Variants in EPHA5 observed in about 807,000 individuals in gnomAD.
EPHA5 encodes the protein EPH receptor A5.
EPHA5 carries 60 observed loss-of-function variants against 105.0 expected under a neutral mutation model. The ratio of observed to expected loss-of-function variants is 0.57; its 90% CI spans 0.46 to 0.71. The LOEUF (loss-of-function observed/expected upper bound fraction) is 0.71, where lower values mean the gene tolerates loss of function less well. Among genes scored for constraint, EPHA5 ranks in the 30% least tolerant of loss-of-function variants. EPHA5 has a pLI of 0.00. For synonymous variants in EPHA5, 513 were observed against 449.1 expected, an observed-to-expected ratio of 1.14 and a Z score of -1.80; for missense variants, 1,218 against 1,274.7, an observed-to-expected ratio of 0.96 and a Z score of 0.68.
intron 3 of EPHA5, among the ~76,000 whole-genome samples, chr4:65,596,926 T>C (rs988559525): frequency 2.0e-5 from 3 of 152,158 alleles, no homozygotes; most frequent in Non-Finnish European, 2.9e-5. Flanking sequence ...ATACCTAATA[T>C]ATTTCCAGCC....
At chr4:65,366,150 T>A (rs1717890774) in intron 9 of EPHA5, 93 bp from the exon 10 acceptor site, 1 of 1,213,376 alleles carries the variant, frequency 8.2e-7, no homozygotes, top group Non-Finnish European at 1.2e-6. Flanking sequence ...CTTAAATCTC[T>A]AATTCCTGGA....
rs1221750071 is a variant in EPHA5 at position 65,669,622 on chromosome 4, A to G, written c.121T>C (p.Trp41Arg). 1 of 1,421,646 alleles carries G rather than the reference A, an allele frequency of 7.0e-7. No homozygotes were observed. The allele number at this position is 1,421,646 out of a possible 1,614,324, so 88.1% of individuals were successfully genotyped here. A position where few individuals can be genotyped will look rare whatever the true frequency, so the allele number is the denominator to read the frequency against. The stretch of plus-strand genomic sequence containing the variant: ...GCGGCGCACAGGAGAAGGCACGTCC[A>G]GAGGGGAGCCCGTCGAGGTGCAGAG... ...CYSAPRRAPL[W>R]TCLLLCAALR... is the part of the protein sequence containing the mutation. Residue 41 changes from tryptophan (W) to arginine (R), a missense_variant, in exon 1 of 17, where the codon TGG becomes CGG. Physicochemically the swap from Trp to Arg is moderately radical, Grantham distance 101. Coordinates refer to ENST00000613740, the MANE Select transcript of EPHA5 (RefSeq NM_001281766.3).
At chr4:65,332,620 G>T (rs762562688) in intron 15 of EPHA5, among the ~76,000 whole-genome samples, 12 of 151,476 alleles carry the variant, frequency 7.9e-5, no homozygotes, top group Non-Finnish European at 3.0e-5. Context: ...TGGGGTGGTG[G>T]GGGGTGGGGG....
intron 16 of EPHA5, among the ~76,000 whole-genome samples, chr4:65,328,616 T>G (rs1390615041): frequency 6.7e-6 from 1 of 148,162 alleles, no homozygotes; most frequent in Non-Finnish European, 1.5e-5. Context: ...ATTGCTTTTG[T>G]CAGAGTTTTA....
chr4:65,351,686 T>C, intron 12 of EPHA5, 88 bp from the exon 13 acceptor site: 1 of 1,163,696 alleles, frequency 8.6e-7, no homozygotes, highest in Non-Finnish European at 1.2e-6. Flanking sequence ...CCCAAATTGA[T>C]ACTATCAGTC....
At chr4:65,416,009 C>A (rs1388873479) in intron 6 of EPHA5, among the ~76,000 whole-genome samples, 1 of 151,918 alleles carries the variant, frequency 6.6e-6, no homozygotes, top group East Asian at 1.9e-4. Context: ...ATATTATTTT[C>A]CCATATTGTT....
At position 65,321,003 on chromosome 4, in the gene EPHA5, T is replaced by A. The variant is rs933615839; in HGVS notation, c.*3111A>T. 4 of 230,270 alleles carry A rather than the reference T, an allele frequency of 1.7e-5. No individual in the cohort carries two copies. Among genetic ancestry groups the A allele is most frequent in the African/African-American group, 8.9e-5 (4 of 45,094 alleles). 14.3% of individuals were successfully genotyped at this position (230,270 alleles called of 1,614,324 possible). ...AAATCTTTACATCTTTACATAGAAA[T>A]AGTACATTATGAAAAGAGCAACTGG... is the stretch of plus-strand genomic sequence containing the variant. On this transcript the variant is annotated 3_prime_UTR_variant, in exon 17 of 17. Transcript: ENST00000613740.
At chr4:65,415,439 A>T (rs934126280) in intron 6 of EPHA5, among the ~76,000 whole-genome samples, 1 of 152,070 alleles carries the variant, frequency 6.6e-6, no homozygotes, top group Non-Finnish European at 1.5e-5. Context: ...TGTCAAAGTT[A>T]ACTACCACTA....
chr4:65,370,603 T>C (rs145216551), intron 8 of EPHA5, among the ~76,000 whole-genome samples: 2,030 of 152,250 alleles, frequency 0.013, 15 homozygotes, highest in Non-Finnish European at 0.02. Flanking sequence ...ATAGCCTTTA[T>C]CATTAAATAA....
chr4:65,495,283 G>A, intron 4 of EPHA5, 105 bp downstream of exon 4: 1 of 1,207,826 alleles, frequency 8.3e-7, no homozygotes, highest in Non-Finnish European at 1.2e-6. Flanking sequence ...TAAACATTAT[G>A]TCTGTTTTAG....
chr4:65,517,947 C>T (rs778470690), intron 3 of EPHA5, among the ~76,000 whole-genome samples: 3 of 151,788 alleles, frequency 2.0e-5, no homozygotes, highest in Admixed American at 6.6e-5. Flanking sequence ...ATGTTTAACA[C>T]CTCAAAATAA....
intron 3 of EPHA5, among the ~76,000 whole-genome samples, chr4:65,496,526 A>C (rs1731957040): frequency 6.6e-6 from 1 of 151,356 alleles, no homozygotes; most frequent in Non-Finnish European, 1.5e-5. Flanking sequence ...GATGATTTCC[A>C]ATTTCATCCA....
chr4:65,505,613 G>A, intron 3 of EPHA5, among the ~76,000 whole-genome samples: 1 of 152,022 alleles, frequency 6.6e-6, no homozygotes, highest in Non-Finnish European at 1.5e-5. Flanking sequence ...AAAATATTGA[G>A]AAAATGCACT....
chr4:65,574,745 T>TATATATACATATATATATAC (rs1740719103), intron 3 of EPHA5, among the ~76,000 whole-genome samples: 1 of 118,488 alleles, frequency 8.4e-6, no homozygotes, highest in African/African-American at 3.2e-5. Context: ...TATATATACA[T>TATATATACATATATATATAC]ATATATATAT....
At chr4:65,449,506 C>G (rs927837604) in intron 5 of EPHA5, among the ~76,000 whole-genome samples, 23 of 152,070 alleles carry the variant, frequency 1.5e-4, no homozygotes, top group African/African-American at 5.3e-4. Context: ...TGTCATAGAA[C>G]AAGAAGTTGA....
intron 3 of EPHA5, among the ~76,000 whole-genome samples, chr4:65,529,091 A>T (rs1351756637): frequency 6.6e-6 from 1 of 152,190 alleles, no homozygotes; most frequent in Non-Finnish European, 1.5e-5. Flanking sequence ...TTGCATAGTG[A>T]ATGTAATAAA....
At chr4:65,624,882 C>A (rs961129522) in intron 2 of EPHA5, among the ~76,000 whole-genome samples, 1 of 152,160 alleles carries the variant, frequency 6.6e-6, no homozygotes, top group African/African-American at 2.4e-5. Flanking sequence ...TTGTGCCTAA[C>A]TCTTGAAATA....
Position 65,628,882 on chromosome 4 carries a change from AT to A in EPHA5, c.246+14480del, listed in dbSNP as rs556412101. On this transcript the variant is annotated intron_variant, in intron 2 of 16. Coordinates refer to ENST00000613740, the MANE Select transcript of EPHA5 (RefSeq NM_001281766.3). ...TGCCCAATATACAAAACTCTCTTAA[AT>A]TTTTTTTTCTAACAGCCTTGGCAGC... Among the ~76,000 whole-genome samples the A allele has an allele frequency of 3.5e-4, 53 of 151,822 alleles. No individual in the cohort carries two copies. The South Asian group carries it at 7.7e-3, about 22-fold the overall frequency.
chr4:65,478,508 G>C (rs546167631), intron 5 of EPHA5, among the ~76,000 whole-genome samples: 248 of 151,874 alleles, frequency 1.6e-3, no homozygotes, highest in African/African-American at 5.2e-3. Context: ...GTCTTCCTCT[G>C]TTGCACAGGC....
Sources: gnomAD v4.1 joint callset for allele counts (sites outside exome capture counted in the v4.1 genomes callset) on GRCh38, gnomAD v4.1.1 for gene constraint, MANE v1.5 for transcripts, NCBI Gene and HGNC (gene_info 2026-07-23, HGNC 2026-07-21) for gene names.